The following ZC3H12B variants were observed in gnomAD, a reference collection of about 807,000 sequenced individuals.
ZC3H12B encodes zinc finger CCCH-type containing 12B, also known as probable ribonuclease ZC3H12B.
ZC3H12B carries 7 observed loss-of-function variants against 43.9 expected under a neutral mutation model. The ratio of observed to expected loss-of-function variants is 0.16; its 90% CI spans 0.09 to 0.30. The LOEUF is 0.30. Among genes scored for constraint, ZC3H12B ranks in the 10% least tolerant of loss-of-function variants. The probability of loss-of-function intolerance (pLI) is 1.00; values close to 1 mark genes in which losing one functional copy is unlikely to be tolerated. For synonymous variants in ZC3H12B, 222 were observed against 241.7 expected (o/e 0.92, Z 0.76); for missense variants, 475 against 670.2 (o/e 0.71, Z 3.22).
chrX:65,442,451 C>T (rs1253136605), intron 3 of ZC3H12B, among the ~76,000 whole-genome samples: 5 of 110,837 alleles, frequency 4.5e-5, no homozygotes, highest in African/African-American at 1.6e-4. Context: ...AGCTCTAATG[C>T]TCACTCCTCT....
At chrX:65,151,603 C>T in the ZC3H12B span, among the ~76,000 whole-genome samples, 4 of 111,600 alleles carry the variant, frequency 3.6e-5, no homozygotes, top group African/African-American at 1.3e-4. Flanking sequence ...ATATAAACTC[C>T]TAAAAGGTAT....
intron 3 of ZC3H12B, among the ~76,000 whole-genome samples, chrX:65,472,825 G>GAGATATAT (rs757507906): frequency 3.2e-5 from 1 of 31,581 alleles, no homozygotes; most frequent in Non-Finnish European, 4.9e-5. Context: ...CCATACCTTT[G>GAGATATAT]ATATATATAT....
intron 2 of ZC3H12B, among the ~76,000 whole-genome samples, chrX:65,386,825 C>T (rs761564918): frequency 6.1e-4 from 68 of 111,277 alleles, no homozygotes; most frequent in African/African-American, 2.2e-3. Flanking sequence ...GAATGTGTCC[C>T]AGAGATTCTG....
chrX:65,249,394 C>A, the ZC3H12B span, among the ~76,000 whole-genome samples: 1 of 111,666 alleles, frequency 9.0e-6, no homozygotes, highest in South Asian at 3.7e-4. Context: ...CTTTTGGGTT[C>A]TCCACTTTGT....
the ZC3H12B span, among the ~76,000 whole-genome samples, chrX:65,058,269 G>A: frequency 1.1e-4 from 12 of 111,970 alleles, no homozygotes; most frequent in Admixed American, 9.5e-5. Context: ...TGGTGTGGAT[G>A]TCCTTTCTGT....
At chrX:65,104,451 G>T in the ZC3H12B span, among the ~76,000 whole-genome samples, 1 of 111,850 alleles carries the variant, frequency 8.9e-6, no homozygotes, top group Non-Finnish European at 1.9e-5. Flanking sequence ...CTCAGCAAAA[G>T]AAACTATCAT....
the ZC3H12B span, among the ~76,000 whole-genome samples, chrX:65,324,107 T>A: frequency 1.8e-5 from 2 of 112,392 alleles, no homozygotes; most frequent in Non-Finnish European, 3.8e-5. Flanking sequence ...CTTTGTCAGA[T>A]GGATAGATTG....
chrX:65,087,386 G>A, the ZC3H12B span, among the ~76,000 whole-genome samples: 1 of 112,244 alleles, frequency 8.9e-6, no homozygotes, highest in Non-Finnish European at 1.9e-5. Flanking sequence ...GTTTCCCAAG[G>A]CAATATGGCA....
At chrX:65,165,454 G>A in the ZC3H12B span, among the ~76,000 whole-genome samples, 10 of 111,621 alleles carry the variant, frequency 9.0e-5, no homozygotes, top group Non-Finnish European at 1.3e-4. Flanking sequence ...GAAAGGCCCC[G>A]GTGTGGGATG....
the ZC3H12B span, among the ~76,000 whole-genome samples, chrX:65,096,594 T>C: frequency 1.8e-5 from 2 of 111,110 alleles, no homozygotes; most frequent in Non-Finnish European, 3.8e-5. Context: ...AGTAGAAAAC[T>C]GCAAAACTGA....
At chrX:65,074,270 GT>G in the ZC3H12B span, among the ~76,000 whole-genome samples, 6,530 of 106,165 alleles carry the variant, frequency 0.062, 202 homozygotes, top group Non-Finnish European at 0.098. Flanking sequence ...TAGTTAACAG[GT>G]TTTTTTTTTA....
the ZC3H12B span, among the ~76,000 whole-genome samples, chrX:65,218,018 A>G: frequency 8.9e-6 from 1 of 112,499 alleles, no homozygotes; most frequent in Middle Eastern, 4.6e-3. Context: ...TGTTCAATGT[A>G]ATAATCAAGC....
chrX:65,120,126 G>A, the ZC3H12B span, among the ~76,000 whole-genome samples: 1 of 111,878 alleles, frequency 8.9e-6, no homozygotes, highest in Non-Finnish European at 1.9e-5. Context: ...ACTTGGCAGT[G>A]CAGGCTCTTT....
Position 65,489,841 on chromosome X carries a change from C to T in ZC3H12B, c.608+432C>T, listed in dbSNP as rs141086120. Among the ~76,000 whole-genome samples, 209 of 111,900 alleles carry T rather than the reference C, an allele frequency of 1.9e-3. 4 individuals carry two copies. In the East Asian group the frequency reaches 0.036, roughly 19 times the overall value. ...GCTTTAAGGCTCTTTGTGATCAGGCCTGTCCCTCCTCCCATTTGATTGCAT... is the reference window on the plus strand; with the variant it reads ...GCTTTAAGGCTCTTTGTGATCAGGCTTGTCCCTCCTCCCATTTGATTGCAT... On this transcript the variant is annotated intron_variant, in intron 1 of 4. Coordinates refer to ENST00000338957, the Ensembl canonical transcript of ZC3H12B.
intron 3 of ZC3H12B, among the ~76,000 whole-genome samples, chrX:65,463,458 GT>G (rs1452376492): frequency 9.0e-6 from 1 of 111,670 alleles, no homozygotes; most frequent in African/African-American, 3.3e-5. Context: ...CTTTCAGAAA[GT>G]TTCTTATTTT....
the ZC3H12B span, among the ~76,000 whole-genome samples, chrX:65,102,456 C>G: frequency 1.8e-5 from 2 of 112,082 alleles, no homozygotes; most frequent in African/African-American, 6.5e-5. Flanking sequence ...TCTCTGTTTG[C>G]AGATGACATG....
the ZC3H12B span, among the ~76,000 whole-genome samples, chrX:65,257,021 C>A: frequency 8.9e-6 from 1 of 111,967 alleles, no homozygotes; most frequent in Non-Finnish European, 1.9e-5. Context: ...TAAACTAGTT[C>A]AACAATTGTG....
intron 3 of ZC3H12B, among the ~76,000 whole-genome samples, chrX:65,430,805 G>T (rs1045089508): frequency 9.0e-6 from 1 of 110,979 alleles, no homozygotes; most frequent in Non-Finnish European, 1.9e-5. Flanking sequence ...TTTTGGCTGA[G>T]GATGGGGGTT....
the ZC3H12B span, among the ~76,000 whole-genome samples, chrX:65,314,141 A>G: frequency 2.0e-3 from 223 of 111,468 alleles, 1 homozygote; most frequent in African/African-American, 6.9e-3. Context: ...AGAAAAAAAA[A>G]TTAAATCTAG....
Sources: gnomAD v4.1 joint callset for allele counts (sites outside exome capture counted in the v4.1 genomes callset) on GRCh38, gnomAD v4.1.1 for gene constraint, MANE v1.5 for transcripts, NCBI Gene and HGNC (gene_info 2026-07-23, HGNC 2026-07-21) for gene names.